The following EYA1 variants were observed in gnomAD, a reference collection of about 807,000 sequenced individuals.
The protein encoded by EYA1 is protein phosphatase EYA1.
A neutral mutation model predicts 82.0 loss-of-function variants in EYA1; 16 were observed. The observed-to-expected ratio is 0.20, with a 90% CI of 0.13 to 0.30. The LOEUF is 0.30. Ranked by LOEUF, EYA1 falls within the 10% of genes least tolerant of loss-of-function variation. The pLI, the probability that EYA1 is intolerant of heterozygous loss-of-function variation, is 1.00. For missense variants in EYA1, 633 were observed against 730.7 expected, an observed-to-expected ratio of 0.87 and a Z score of 1.54; for synonymous variants, 261 against 264.4, an observed-to-expected ratio of 0.99 and a Z score of 0.12.
At chr8:71,224,341 T>C (rs538257600) in intron 12 of EYA1, among the ~76,000 whole-genome samples, 17 of 152,270 alleles carry the variant, frequency 1.1e-4, no homozygotes, top group African/African-American at 4.1e-4. Flanking sequence ...AAAACAAAAA[T>C]GGAAGGATAA....
At chr8:71,417,599 A>G (rs1428887225) in intron 2 of EYA1, among the ~76,000 whole-genome samples, 2 of 152,208 alleles carry the variant, frequency 1.3e-5, no homozygotes, top group Non-Finnish European at 2.9e-5. Context: ...TATAAAAAAC[A>G]CAGAAAAACA....
intron 2 of EYA1, among the ~76,000 whole-genome samples, chr8:71,414,675 A>T (rs1322296516): frequency 1.3e-5 from 2 of 152,208 alleles, no homozygotes; most frequent in Non-Finnish European, 1.5e-5. Context: ...TACCTCAAAC[A>T]TATGTCAAAT....
chr8:71,267,112 A>T (rs1263223174), intron 11 of EYA1, among the ~76,000 whole-genome samples: 1 of 152,200 alleles, frequency 6.6e-6, no homozygotes, highest in Non-Finnish European at 1.5e-5. Flanking sequence ...AATGTAAATC[A>T]GATCTTCTCA....
At chr8:71,334,370 A>T in intron 3 of EYA1, 196 bp from the exon 4 acceptor site, 1 of 648,110 alleles carries the variant, frequency 1.5e-6, no homozygotes, top group South Asian at 1.6e-5. Context: ...CTTAGGAAAC[A>T]ATCTATTGTC....
At chr8:71,501,515 A>C (rs186590294) in intron 2 of EYA1, among the ~76,000 whole-genome samples, 1 of 152,264 alleles carries the variant, frequency 6.6e-6, no homozygotes, top group Non-Finnish European at 1.5e-5. Context: ...GGCATTCTCT[A>C]TCATGCCTGG....
intron 2 of EYA1, among the ~76,000 whole-genome samples, chr8:71,492,763 CCTTTT>C (rs1485630645): frequency 1.8e-4 from 28 of 152,070 alleles, no homozygotes; most frequent in African/African-American, 6.3e-4. Context: ...CTGCGCCCGG[CCTTTT>C]CTTTTAACTT....
chr8:71,414,784 G>A (rs1163818385), intron 2 of EYA1, among the ~76,000 whole-genome samples: 1 of 152,150 alleles, frequency 6.6e-6, no homozygotes, highest in Non-Finnish European at 1.5e-5. Context: ...ATATGCATCT[G>A]ATAGTTAGGT....
At chr8:71,260,482 A>G (rs1286431667) in intron 11 of EYA1, among the ~76,000 whole-genome samples, 1 of 152,234 alleles carries the variant, frequency 6.6e-6, no homozygotes, top group Non-Finnish European at 1.5e-5. Context: ...TATATCCATG[A>G]GATGATACTC....
chr8:71,356,547 T>C (rs547871832), intron 1 of EYA1, 36 bp from the exon 2 acceptor site: 3 of 1,551,120 alleles, frequency 1.9e-6, no homozygotes, highest in East Asian at 4.8e-5. Flanking sequence ...AAGATGTTGT[T>C]ACTCTGCTTC....
intron 11 of EYA1, among the ~76,000 whole-genome samples, chr8:71,258,873 G>T (rs1266207601): frequency 6.6e-6 from 1 of 152,106 alleles, no homozygotes; most frequent in Non-Finnish European, 1.5e-5. Context: ...AATGTTTTAT[G>T]TTGTAGTCAT....
chr8:71,402,243 GT>G (rs1440055985), intron 2 of EYA1, among the ~76,000 whole-genome samples: 2 of 152,102 alleles, frequency 1.3e-5, no homozygotes, highest in African/African-American at 4.8e-5. Context: ...TTAGAGGCAG[GT>G]TTTTTTCCCC....
At chr8:71,527,400 A>G (rs1371149094) in intron 2 of EYA1, among the ~76,000 whole-genome samples, 26 of 152,232 alleles carry the variant, frequency 1.7e-4, no homozygotes, top group Admixed American at 1.7e-3. Flanking sequence ...TAAAATTAGA[A>G]GAGATCTTCT....
At chr8:71,520,840 C>T (rs1207206003) in intron 2 of EYA1, among the ~76,000 whole-genome samples, 1 of 151,916 alleles carries the variant, frequency 6.6e-6, no homozygotes, top group African/African-American at 2.4e-5. Flanking sequence ...ACCTAAAATG[C>T]AGTATTCTCA....
chr8:71,268,246 A>G (rs16937535), intron 11 of EYA1, among the ~76,000 whole-genome samples: 14,943 of 152,114 alleles, frequency 0.098, 875 homozygotes, highest in Non-Finnish European at 0.13. Flanking sequence ...TCAAATGCTC[A>G]TTTTCTAAGT....
chr8:71,381,752 C>A (rs553543612), intron 2 of EYA1, among the ~76,000 whole-genome samples: 2 of 152,286 alleles, frequency 1.3e-5, no homozygotes, highest in African/African-American at 4.8e-5. Flanking sequence ...AGAGGGACTG[C>A]AAAGAAATGT....
intron 2 of EYA1, among the ~76,000 whole-genome samples, chr8:71,504,209 A>G (rs1443357634): frequency 1.3e-5 from 2 of 152,244 alleles, no homozygotes; most frequent in Admixed American, 1.3e-4. Context: ...AAAATGGAAG[A>G]AAGTAGAAAT....
intron 2 of EYA1, among the ~76,000 whole-genome samples, chr8:71,377,085 A>G (rs752904684): frequency 4.6e-5 from 7 of 152,176 alleles, no homozygotes; most frequent in Non-Finnish European, 7.3e-5. Flanking sequence ...GTGACCCCCA[A>G]TGAACCATAC....
At chr8:71,422,771 T>C (rs1484370369) in intron 2 of EYA1, among the ~76,000 whole-genome samples, 1 of 152,064 alleles carries the variant, frequency 6.6e-6, no homozygotes, top group East Asian at 1.9e-4. Context: ...TCAGATCTCA[T>C]GAGAACCCCA....
chr8:71,437,185 A>AT (rs1806076568), intron 2 of EYA1, among the ~76,000 whole-genome samples: 1 of 151,148 alleles, frequency 6.6e-6, no homozygotes, highest in African/African-American at 2.4e-5. Context: ...CAAATTTTTG[A>AT]TTTTTTGTCC....
Sources: gnomAD v4.1 joint callset for allele counts (sites outside exome capture counted in the v4.1 genomes callset) on GRCh38, gnomAD v4.1.1 for gene constraint, MANE v1.5 for transcripts, NCBI Gene and HGNC (gene_info 2026-07-23, HGNC 2026-07-21) for gene names.